TTC27: variants seen among roughly 807,000 people sequenced by gnomAD.
TTC27 encodes the protein tetratricopeptide repeat domain 27.
A neutral mutation model predicts 115.9 loss-of-function variants in TTC27; 79 were observed. The ratio of observed to expected loss-of-function variants is 0.68; its 90% CI spans 0.57 to 0.82. TTC27 has a LOEUF of 0.82. TTC27 is among the 40% of genes least tolerant of loss of function. The pLI is 0.00. For synonymous variants in TTC27, 401 were observed against 356.0 expected, an observed-to-expected ratio of 1.13 and a Z score of -1.42; for missense variants, 1,054 against 993.1, an observed-to-expected ratio of 1.06 and a Z score of -0.82.
intron 9 of TTC27, among the ~76,000 whole-genome samples, chr2:32,699,897 A>T (rs572261324): frequency 1.3e-5 from 2 of 152,320 alleles, no homozygotes; most frequent in East Asian, 3.9e-4. Flanking sequence ...TTCTCATACC[A>T]GTGTAGAAAA....
intron 9 of TTC27, among the ~76,000 whole-genome samples, chr2:32,695,888 GAGT>G (rs1230635208): frequency 1.3e-5 from 2 of 150,438 alleles, no homozygotes; most frequent in Non-Finnish European, 3.0e-5. Flanking sequence ...TGGGCAACAA[GAGT>G]AAAACTCCAT....
intron 3 of TTC27, among the ~76,000 whole-genome samples, chr2:32,639,093 A>C (rs190853475): frequency 2.0e-3 from 303 of 150,860 alleles, no homozygotes; most frequent in African/African-American, 7.1e-3. Context: ...TGGCCTCCCA[A>C]AGTGCTGGGA....
At chr2:32,713,221 C>A (rs1667641819) in intron 10 of TTC27, among the ~76,000 whole-genome samples, 3 of 152,086 alleles carry the variant, frequency 2.0e-5, no homozygotes, top group Admixed American at 6.6e-5. Flanking sequence ...TGACCCAATC[C>A]TAATATTCTA....
At chr2:32,789,801 C>T (rs570917462) in intron 16 of TTC27, among the ~76,000 whole-genome samples, 2 of 150,864 alleles carry the variant, frequency 1.3e-5, no homozygotes, top group African/African-American at 4.9e-5. Context: ...TAATATGTAC[C>T]TGTGGCTACT....
At chr2:32,753,621 A>G (rs551112287) in intron 12 of TTC27, among the ~76,000 whole-genome samples, 1 of 151,740 alleles carries the variant, frequency 6.6e-6, no homozygotes, top group East Asian at 2.0e-4. Context: ...ATATTTTTAT[A>G]CCTTTAGTAG....
chr2:32,701,596 A>G (rs933038853), intron 9 of TTC27, among the ~76,000 whole-genome samples: 7 of 152,176 alleles, frequency 4.6e-5, no homozygotes, highest in African/African-American at 9.7e-5. Context: ...TAAAAATTCA[A>G]GTGCCTATAG....
At chr2:32,704,552 A>G (rs1408261858) in intron 10 of TTC27, among the ~76,000 whole-genome samples, 1 of 152,152 alleles carries the variant, frequency 6.6e-6, no homozygotes, top group African/African-American at 2.4e-5. Context: ...CAGTACGAAG[A>G]ATTCCCATAT....
At chr2:32,820,431 G>C (rs1671651376) in intron 19 of TTC27, among the ~76,000 whole-genome samples, 1 of 152,056 alleles carries the variant, frequency 6.6e-6, no homozygotes, top group Non-Finnish European at 1.5e-5. Context: ...TAGCATAAAG[G>C]GTATGATTTA....
chr2:32,676,651 C>A, intron 8 of TTC27, among the ~76,000 whole-genome samples: 1 of 151,818 alleles, frequency 6.6e-6, no homozygotes. Flanking sequence ...GCACCATGCC[C>A]AGCTAATTTT....
chr2:32,723,695 C>CCTTCCTCCCTCT (rs1668000978), intron 10 of TTC27, among the ~76,000 whole-genome samples: 1 of 29,512 alleles, frequency 3.4e-5, no homozygotes, highest in African/African-American at 1.4e-4. Context: ...TCAGCTCCTT[C>CCTTCCTCCCTCT]CTCCCTCCCT....
intron 14 of TTC27, among the ~76,000 whole-genome samples, chr2:32,780,407 TC>T (rs1175575546): frequency 6.6e-6 from 1 of 152,156 alleles, no homozygotes; most frequent in Non-Finnish European, 1.5e-5. Flanking sequence ...TTATCCTTTT[TC>T]ATACTATTAT....
In TTC27 at chr2:32,696,032, A is replaced by G. The variant is rs2151897408; in HGVS notation, c.1120-6775A>G. Among the ~76,000 whole-genome samples the G allele has an allele frequency of 2.0e-5, 3 of 150,516 alleles. No individual in the cohort carries two copies. In the South Asian group the frequency reaches 6.3e-4, roughly 32 times the overall value. On this transcript the variant is annotated intron_variant, in intron 9 of 19. Coordinates refer to ENST00000317907, the MANE Select transcript of TTC27 (RefSeq NM_017735.5). The stretch of plus-strand genomic sequence containing the variant: ...CAGCTACTTGGGAGACTGAGGCAGG[A>G]GCATTGCTTGAACCTGGGAGGTGGA...
chr2:32,795,727 A>G (rs1401190984), intron 16 of TTC27, among the ~76,000 whole-genome samples: 1 of 136,128 alleles, frequency 7.3e-6, no homozygotes, highest in East Asian at 2.0e-4. Context: ...TAATTTTTGT[A>G]TTATTATTAT....
In TTC27 at chr2:32,640,311, A is replaced by G. The variant is rs1256288619; in HGVS notation, c.438A>G (p.Leu146=). 5 of 1,613,990 alleles carry G rather than the reference A, an allele frequency of 3.1e-6. No individual in the cohort carries two copies. In the African/African-American group the frequency reaches 4.0e-5, roughly 13 times the overall value. The change falls in exon 4 of 20, where the codon CTA becomes CTG. Residue 146 remains leucine, a synonymous_variant. Coordinates refer to ENST00000317907, the MANE Select transcript of TTC27 (RefSeq NM_017735.5). ...LDAFVLSLLT[L]DGESIYSLTS... Reference sequence around the variant, plus strand: ...CATTTGTTCTGAGCCTGCTCACTCTAGATGGTGAATCAATCTACAGCCTGA... The same window carrying G: ...CATTTGTTCTGAGCCTGCTCACTCTGGATGGTGAATCAATCTACAGCCTGA...
chr2:32,702,041 C>A (rs985773017), intron 9 of TTC27, among the ~76,000 whole-genome samples: 8 of 103,336 alleles, frequency 7.7e-5, no homozygotes, highest in Non-Finnish European at 1.7e-4. Context: ...ACAAAAAAAA[C>A]CAGCTACCAA....
intron 9 of TTC27, among the ~76,000 whole-genome samples, chr2:32,692,704 G>C (rs919829638): frequency 6.6e-6 from 1 of 152,118 alleles, no homozygotes; most frequent in African/African-American, 2.4e-5. Context: ...GGGCACGGTG[G>C]TTTACACCTG....
intron 16 of TTC27, among the ~76,000 whole-genome samples, chr2:32,790,976 G>A (rs1279614453): frequency 6.6e-6 from 1 of 152,076 alleles, no homozygotes; most frequent in East Asian, 1.9e-4. Flanking sequence ...CTCTGTCTAG[G>A]ACTTCCAGTA....
At position 32,746,563 on chromosome 2, in the gene TTC27, C is replaced by CAAAAAAAAAAAAAAAAAAAAA. The variant is rs770621313; in HGVS notation, c.1452+9766_1452+9767insAAAAAAAAAAAAAAAAAAAAA. Among the ~76,000 whole-genome samples, 185 of 46,276 alleles carry CAAAAAAAAAAAAAAAAAAAAA rather than the reference C, an allele frequency of 4.0e-3. 11 individuals carry two copies. The highest frequency in any genetic ancestry group is 0.014 in the East Asian group (14 of 1,006). The allele number at this position is 46,276 out of a possible 152,430, so 30.4% of individuals were successfully genotyped here. A position where few individuals can be genotyped will look rare whatever the true frequency, so the allele number is the denominator to read the frequency against. ...TGGCAATAAGAGTGAAACTCCATCT[C>CAAAAAAAAAAAAAAAAAAAAA]AAAAAAAAAAAAAAAAAAAGAATGC... On this transcript the variant is annotated intron_variant, in intron 12 of 19. Coordinates refer to ENST00000317907, the MANE Select transcript of TTC27 (RefSeq NM_017735.5).
rs191821812 is a variant in TTC27 at position 32,684,167 on chromosome 2, A to G, written c.1119+5245A>G. Among the ~76,000 whole-genome samples, 10 of 152,160 alleles carry G rather than the reference A, an allele frequency of 6.6e-5. No individual in the cohort carries two copies. In the East Asian group the frequency reaches 1.9e-3, roughly 29 times the overall value. ...AGTGAGACTCTGACTCGGGGGGAAA[A>G]AAGTTTGTTTGGTTTTTTGTTCTTG... On this transcript the variant is annotated intron_variant, in intron 9 of 19. Coordinates refer to ENST00000317907, the MANE Select transcript of TTC27 (RefSeq NM_017735.5).
Sources: gnomAD v4.1 joint callset for allele counts (sites outside exome capture counted in the v4.1 genomes callset) on GRCh38, gnomAD v4.1.1 for gene constraint, MANE v1.5 for transcripts, NCBI Gene and HGNC (gene_info 2026-07-23, HGNC 2026-07-21) for gene names.